SPAG16: variants seen among roughly 807,000 people sequenced by gnomAD.
SPAG16 encodes sperm associated antigen 16.
Under a neutral mutation model 80.4 loss-of-function variants are expected in SPAG16, and 86 were observed. The observed-to-expected ratio is 1.07, with a 90% CI of 0.90 to 1.28. SPAG16 has a LOEUF of 1.28. SPAG16 is among the 50% of genes most tolerant of loss of function. The pLI is 0.00. For synonymous variants in SPAG16, 294 were observed against 265.9 expected, an observed-to-expected ratio of 1.11 and a Z score of -1.03; for missense variants, 870 against 765.3, an observed-to-expected ratio of 1.14 and a Z score of -1.61.
chr2:214,163,672 ATTTAT>A (rs1164464837), intron 15 of SPAG16, among the ~76,000 whole-genome samples: 2 of 151,666 alleles, frequency 1.3e-5, no homozygotes, highest in Non-Finnish European at 2.9e-5. Flanking sequence ...AGAGGAAAAG[ATTTAT>A]TTTAAGGAAT....
chr2:214,355,080 C>T (rs1698684405), intron 15 of SPAG16, among the ~76,000 whole-genome samples: 1 of 151,832 alleles, frequency 6.6e-6, no homozygotes, highest in South Asian at 2.1e-4. Context: ...AGAAGAAAAC[C>T]TACGCATTAC....
intron 9 of SPAG16, among the ~76,000 whole-genome samples, chr2:213,441,493 C>T (rs1341837475): frequency 6.6e-6 from 1 of 152,126 alleles, no homozygotes; most frequent in East Asian, 1.9e-4. Flanking sequence ...GGGGTAGTGA[C>T]AAAATGGAAT....
intron 10 of SPAG16, among the ~76,000 whole-genome samples, chr2:213,779,024 G>A (rs1297137133): frequency 6.6e-6 from 1 of 152,116 alleles, no homozygotes; most frequent in Admixed American, 6.5e-5. Context: ...ATTGCCTTGA[G>A]TGAAGTTACT....
At chr2:214,248,636 G>A (rs1324992238) in intron 15 of SPAG16, among the ~76,000 whole-genome samples, 1 of 151,922 alleles carries the variant, frequency 6.6e-6, no homozygotes, top group Admixed American at 6.6e-5. Flanking sequence ...ACTATTCTAA[G>A]CACTTGATTT....
chr2:213,407,908 CAG>C (rs557356985), intron 9 of SPAG16, among the ~76,000 whole-genome samples: 111 of 67,330 alleles, frequency 1.6e-3, no homozygotes, highest in Admixed American at 3.2e-3. Flanking sequence ...AGGAGAGAGG[CAG>C]AGAGAGAGAC....
intron 10 of SPAG16, among the ~76,000 whole-genome samples, chr2:213,599,742 C>T (rs2060998939): frequency 6.6e-6 from 1 of 152,152 alleles, no homozygotes. Context: ...TGCTCTGTCA[C>T]CCATACTAGA....
chr2:213,928,344 G>A (rs183712170), intron 11 of SPAG16, among the ~76,000 whole-genome samples: 69 of 150,418 alleles, frequency 4.6e-4, no homozygotes, highest in Middle Eastern at 3.5e-3. Flanking sequence ...TGCCCCCCTC[G>A]ACCTCCCAAA....
At chr2:213,564,635 A>G (rs1024366547) in intron 10 of SPAG16, among the ~76,000 whole-genome samples, 2 of 152,204 alleles carry the variant, frequency 1.3e-5, no homozygotes, top group Admixed American at 1.3e-4. Flanking sequence ...GCCTTGTAGC[A>G]CATAAACAAT....
intron 10 of SPAG16, among the ~76,000 whole-genome samples, chr2:213,750,407 C>T (rs1023765787): frequency 2.6e-5 from 4 of 152,018 alleles, no homozygotes; most frequent in African/African-American, 9.7e-5. Flanking sequence ...TCTGCTGTGA[C>T]TTTTATAAAT....
At chr2:213,546,796 A>T (rs764284431) in intron 10 of SPAG16, among the ~76,000 whole-genome samples, 101 of 152,148 alleles carry the variant, frequency 6.6e-4, no homozygotes, top group Non-Finnish European at 1.0e-3. Flanking sequence ...TGAGACTTGT[A>T]ACGGTTAGTA....
At chr2:213,651,223 GTC>G (rs2063006223) in intron 10 of SPAG16, among the ~76,000 whole-genome samples, 1 of 152,106 alleles carries the variant, frequency 6.6e-6, no homozygotes, top group Non-Finnish European at 1.5e-5. Flanking sequence ...GGTTGCAACA[GTC>G]TCTGTAAATT....
chr2:213,976,024 G>T lies in SPAG16; in HGVS notation c.1401-37927G>T, dbSNP rs528340274. ...TGCAAACTTCTTCAGTATCATGTGGGTCTCCTCTTCATACAGCTTCATACA... is the reference window on the plus strand; with the variant it reads ...TGCAAACTTCTTCAGTATCATGTGGTTCTCCTCTTCATACAGCTTCATACA... On this transcript the variant is annotated intron_variant, in intron 12 of 15. Coordinates refer to ENST00000331683, the MANE Select transcript of SPAG16 (RefSeq NM_024532.5). Among the ~76,000 whole-genome samples, 12 of 150,514 alleles carry T rather than the reference G, an allele frequency of 8.0e-5. 1 individual carries two copies. In the South Asian group the frequency reaches 8.4e-4, roughly 11 times the overall value.
intron 10 of SPAG16, among the ~76,000 whole-genome samples, chr2:213,772,283 C>T (rs963451113): frequency 6.6e-6 from 1 of 152,090 alleles, no homozygotes; most frequent in Non-Finnish European, 1.5e-5. Flanking sequence ...GATTTTTGCA[C>T]ATTGATTTTG....
At chr2:214,392,272 T>C (rs4361126) in intron 15 of SPAG16, among the ~76,000 whole-genome samples, 132,193 of 152,068 alleles carry the variant, frequency 0.87, 57,561 homozygotes, top group Middle Eastern at 0.9. Context: ...CCTCCTACCT[T>C]GGCCTCTAGA....
At chr2:214,339,374 T>A (rs1404852913) in intron 15 of SPAG16, among the ~76,000 whole-genome samples, 1 of 152,194 alleles carries the variant, frequency 6.6e-6, no homozygotes. Context: ...ATAACTGAGA[T>A]GACTAATTTT....
chr2:213,781,473 A>C (rs955147723), intron 10 of SPAG16, among the ~76,000 whole-genome samples: 10 of 152,072 alleles, frequency 6.6e-5, no homozygotes, highest in African/African-American at 2.4e-4. Flanking sequence ...TAGCTCTGCT[A>C]TCTAGAGTGC....
At chr2:214,016,117 G>T (rs1160247444) in intron 13 of SPAG16, among the ~76,000 whole-genome samples, 1 of 152,110 alleles carries the variant, frequency 6.6e-6, no homozygotes, top group Admixed American at 6.6e-5. Context: ...TGGATTACTG[G>T]TAGGTTCAAG....
intron 13 of SPAG16, among the ~76,000 whole-genome samples, chr2:214,105,665 T>C (rs1194882638): frequency 6.6e-6 from 1 of 152,186 alleles, no homozygotes; most frequent in Non-Finnish European, 1.5e-5. Context: ...AAACTCTTCT[T>C]TCTTTTTTAT....
intron 9 of SPAG16, among the ~76,000 whole-genome samples, chr2:213,437,397 C>A (rs146829337): frequency 3.3e-5 from 5 of 152,096 alleles, no homozygotes; most frequent in Non-Finnish European, 7.4e-5. Context: ...AATAATGAAA[C>A]GGCTTCAAAG....
Sources: allele counts gnomAD v4.1 joint callset (sites outside exome capture counted in the v4.1 genomes callset), GRCh38; gene constraint gnomAD v4.1.1; transcripts MANE v1.5; gene names NCBI Gene and HGNC (gene_info 2026-07-23, HGNC 2026-07-21).